The following DKK2 variants were observed in gnomAD, a reference collection of about 807,000 sequenced individuals.
The protein encoded by DKK2 is dickkopf-related protein 2.
In DKK2, 11 loss-of-function variants were observed where a neutral mutation model predicts 28.1. The ratio of observed to expected loss-of-function variants is 0.39; its 90% CI spans 0.25 to 0.65. DKK2 has a LOEUF of 0.65. Among genes scored for constraint, DKK2 ranks in the 30% least tolerant of loss-of-function variants. The pLI is 0.47. For synonymous variants in DKK2, 135 were observed against 126.5 expected (o/e 1.07, Z -0.45); for missense variants, 326 against 335.5 (o/e 0.97, Z 0.22).
chr4:107,017,054 A>G (rs1238203587), intron 1 of DKK2, among the ~76,000 whole-genome samples: 1 of 151,998 alleles, frequency 6.6e-6, no homozygotes, highest in African/African-American at 2.4e-5. Context: ...TACTCATACC[A>G]GTCCCCATGT....
At chr4:107,024,766 G>T (rs1423636380) in intron 1 of DKK2, among the ~76,000 whole-genome samples, 2 of 152,158 alleles carry the variant, frequency 1.3e-5, no homozygotes, top group Non-Finnish European at 2.9e-5. Flanking sequence ...GCTTAACGGT[G>T]TTATACAATT....
Position 106,925,809 on chromosome 4 carries a change from G to T in DKK2, c.363C>A (p.Arg121=). The T allele has an allele frequency of 2.5e-6, 4 of 1,608,794 alleles. No individual in the cohort carries two copies. Among genetic ancestry groups the T allele is most frequent in the Non-Finnish European group, 3.4e-6 (4 of 1,178,116 alleles). The change falls in exon 2 of 4, where the codon CGC becomes CGA. Residue 121 remains arginine, a synonymous_variant. Transcript: ENST00000285311. ...AGTGAGATCTTTTACCATTATTGCA[G>T]CGGGTACTGGGGCAGCACATGCCAT... is the stretch of plus-strand genomic sequence containing the variant. ...HRDGMCCPST[R]CNNGICIPVT...
chr4:106,976,316 A>G (rs1346697630), intron 1 of DKK2, among the ~76,000 whole-genome samples: 1 of 152,184 alleles, frequency 6.6e-6, no homozygotes, highest in Non-Finnish European at 1.5e-5. Context: ...TGACTCGTCG[A>G]TCTGTCTAAT....
intron 2 of DKK2, among the ~76,000 whole-genome samples, chr4:106,925,065 A>C (rs187908489): frequency 7.2e-5 from 11 of 152,336 alleles, no homozygotes; most frequent in Admixed American, 5.2e-4. Context: ...TCCTTTATTA[A>C]TTAACAACAT....
intron 1 of DKK2, among the ~76,000 whole-genome samples, chr4:106,944,706 T>C (rs1724752020): frequency 6.6e-6 from 1 of 152,062 alleles, no homozygotes; most frequent in Admixed American, 6.6e-5. Context: ...GACAGGGATG[T>C]CACTGTGCAT....
At chr4:107,033,793 T>A (rs1723916571) in intron 1 of DKK2, among the ~76,000 whole-genome samples, 1 of 152,116 alleles carries the variant, frequency 6.6e-6, no homozygotes, top group Non-Finnish European at 1.5e-5. Context: ...TTCTTTCTAA[T>A]CCCTGTTCCA....
chr4:107,031,574 A>T (rs115888336), intron 1 of DKK2, among the ~76,000 whole-genome samples: 2,427 of 152,152 alleles, frequency 0.016, 26 homozygotes, highest in Non-Finnish European at 0.023. Flanking sequence ...TAGAATCTGA[A>T]TTTGTGTTAA....
rs1724348528 is a variant in DKK2 at position 106,921,933 on chromosome 4, A to G, written c.*2021T>C. 6.6e-6 allele frequency: 1 copy of G among 152,640 alleles called. No homozygotes were observed. The highest frequency in any genetic ancestry group is 2.4e-5 in the African/African-American group (1 of 41,474). 9.5% of individuals were successfully genotyped at this position (152,640 alleles called of 1,614,324 possible). A position where few individuals can be genotyped will look rare whatever the true frequency, so the allele number is the denominator to read the frequency against. ...AAGAAATATCTCTATAAGAAAATAC[A>G]TCTCATTAACATTTCCTGTAAATAA... On this transcript the variant is annotated 3_prime_UTR_variant, in exon 4 of 4. Transcript: ENST00000285311.
chr4:106,982,163 G>A lies in DKK2; in HGVS notation c.222+53207C>T, dbSNP rs139759814. Among the ~76,000 whole-genome samples, 556 of 152,172 alleles carry A rather than the reference G, an allele frequency of 3.7e-3. 4 individuals carry two copies. The highest frequency in any genetic ancestry group is 0.012 in the African/African-American group (513 of 41,518). ...TTTAATTCCACTCTGTGATTATTTC[G>A]TTTATTTCGTTGGTTATTTTATTTG... On this transcript the variant is annotated intron_variant, in intron 1 of 3. Coordinates refer to ENST00000285311, the MANE Select transcript of DKK2 (RefSeq NM_014421.3).
intron 1 of DKK2, among the ~76,000 whole-genome samples, chr4:107,012,724 C>T (rs1449818967): frequency 6.6e-6 from 1 of 151,070 alleles, no homozygotes; most frequent in East Asian, 1.9e-4. Context: ...AAAACTTTCT[C>T]TAATACTGTT....
intron 1 of DKK2, among the ~76,000 whole-genome samples, chr4:106,966,076 C>A (rs1038123958): frequency 2.6e-5 from 4 of 151,784 alleles, no homozygotes; most frequent in Admixed American, 1.3e-4. Context: ...GTGTCTTTAC[C>A]GGAACCAGCC....
chr4:106,983,614 T>C (rs1255966002), intron 1 of DKK2, among the ~76,000 whole-genome samples: 2 of 152,182 alleles, frequency 1.3e-5, no homozygotes, highest in African/African-American at 4.8e-5. Flanking sequence ...AAATCATACT[T>C]TATCAAAAGT....
intron 1 of DKK2, among the ~76,000 whole-genome samples, chr4:107,019,791 C>T (rs1351154800): frequency 6.6e-6 from 1 of 151,934 alleles, no homozygotes; most frequent in Non-Finnish European, 1.5e-5. Context: ...CCCTCAATAC[C>T]TTACATTAAA....
chr4:106,955,391 C>T lies in DKK2; in HGVS notation c.223-29442G>A, dbSNP rs1036223028. 6.6e-5 allele frequency among the ~76,000 whole-genome samples: 10 copies of T among 152,254 alleles called. 1 individual carries two copies. Among genetic ancestry groups the T allele is most frequent in the Admixed American group, 5.9e-4 (9 of 15,292 alleles). ...GACATTTTGTAAACAGACTCCTTTG[C>T]TGGCTCCAATTGCTAGGCCAGGCAT... On this transcript the variant is annotated intron_variant, in intron 1 of 3. Coordinates refer to ENST00000285311, the MANE Select transcript of DKK2 (RefSeq NM_014421.3).
rs186003769 is a variant in DKK2 at position 106,929,767 on chromosome 4, C to T, written c.223-3818G>A. ...TTTAGCATAAAATATTTTTTAAAGT[C>T]TGTTTCCTCTGTGCTAATTTAGAAT... On this transcript the variant is annotated intron_variant, in intron 1 of 3. Transcript: ENST00000285311. 1.9e-3 allele frequency among the ~76,000 whole-genome samples: 296 copies of T among 152,188 alleles called. 2 individuals are homozygous for T. Among genetic ancestry groups the T allele is most frequent in the African/African-American group, 6.8e-3 (284 of 41,510 alleles).
chr4:106,928,650 C>T (rs1315499428), intron 1 of DKK2, among the ~76,000 whole-genome samples: 1 of 152,058 alleles, frequency 6.6e-6, no homozygotes, highest in Non-Finnish European at 1.5e-5. Flanking sequence ...CCTCTGAAAT[C>T]CATGTCCCTT....
At chr4:106,978,789 A>AT (rs1199197493) in intron 1 of DKK2, among the ~76,000 whole-genome samples, 1 of 144,088 alleles carries the variant, frequency 6.9e-6, no homozygotes, top group East Asian at 2.4e-4. Flanking sequence ...CTGGGGTATG[A>AT]TAAAAAAGAA....
intron 1 of DKK2, among the ~76,000 whole-genome samples, chr4:107,025,346 G>C (rs568504999): frequency 6.6e-6 from 1 of 152,096 alleles, no homozygotes. Flanking sequence ...TTTTTTTAAA[G>C]ATAGAACAGA....
chr4:106,966,557 A>C (rs1722783748), intron 1 of DKK2, among the ~76,000 whole-genome samples: 1 of 152,192 alleles, frequency 6.6e-6, no homozygotes, highest in South Asian at 2.1e-4. Context: ...GTCATATTTG[A>C]AACAGCATGT....
Sources: allele counts gnomAD v4.1 joint callset (sites outside exome capture counted in the v4.1 genomes callset), GRCh38; gene constraint gnomAD v4.1.1; transcripts MANE v1.5; gene names NCBI Gene and HGNC (gene_info 2026-07-23, HGNC 2026-07-21).